Variants in CA6 observed in about 807,000 individuals in gnomAD.
The protein encoded by CA6 is carbonic anhydrase 6.
Under a neutral mutation model 35.9 loss-of-function variants are expected in CA6, and 28 were observed. The ratio of observed to expected loss-of-function variants is 0.78; its 90% CI spans 0.58 to 1.07. The LOEUF (loss-of-function observed/expected upper bound fraction) is 1.07, where lower values mean the gene tolerates loss of function less well. Ranked by LOEUF, CA6 falls within the 50% of genes least tolerant of loss-of-function variation. CA6 has a pLI of 0.00. For missense variants in CA6, 377 were observed against 382.0 expected, an observed-to-expected ratio of 0.99 and a Z score of 0.11; for synonymous variants, 148 against 152.6, an observed-to-expected ratio of 0.97 and a Z score of 0.22.
intron 6 of CA6, 43 bp downstream of exon 6, chr1:8,967,859 G>A (rs147673838): frequency 2.2e-4 from 345 of 1,588,728 alleles, no homozygotes; most frequent in Middle Eastern, 1.2e-3. Flanking sequence ...CCATTCGATT[G>A]CCTGGTTAAC....
rs753621805 is a variant in CA6, at chr1:8,967,680, G to A, written c.593G>A (p.Gly198Asp). The A allele has an allele frequency of 1.2e-6, 2 of 1,614,004 alleles. No individual in the cohort carries two copies. The highest frequency in any genetic ancestry group is 1.7e-6 in the Non-Finnish European group (2 of 1,179,968). Residue 198 changes from glycine (G) to aspartate (D), a missense_variant, in exon 6 of 8, where the codon GGC becomes GAC. Transcript: ENST00000377443. ...TCAGGACAAAGAACAACCCTGACTG[G>A]CCTTGACGTTCAGGACATGCTGCCC... ...KYPGQRTTLT[G>D]LDVQDMLPRN... is the part of the protein sequence containing the mutation.
chr1:8,949,588 T>A, intron 2 of CA6, 146 bp downstream of exon 2: 1 of 677,428 alleles, frequency 1.5e-6, no homozygotes, highest in Admixed American at 3.1e-5. Context: ...GGGTCGAACA[T>A]GAGGGCTGAC....
chr1:8,964,306 G>A (rs1418052458), intron 5 of CA6, among the ~76,000 whole-genome samples: 1 of 152,086 alleles, frequency 6.6e-6, no homozygotes, highest in African/African-American at 2.4e-5. Flanking sequence ...GGAGTGCAGT[G>A]GCATGATCTC....
chr1:8,969,864 A>G (rs1238157056), intron 6 of CA6, among the ~76,000 whole-genome samples: 4 of 152,312 alleles, frequency 2.6e-5, no homozygotes, highest in Admixed American at 1.3e-4. Flanking sequence ...AAAATAGCCA[A>G]TATAGAATTG....
intron 6 of CA6, 55 bp from the exon 7 acceptor site, chr1:8,970,812 C>A: frequency 8.7e-7 from 1 of 1,145,708 alleles, no homozygotes; most frequent in Non-Finnish European, 1.3e-6. Context: ...ACTGTTATTT[C>A]TTTTAAATTA....
chr1:8,967,798 C>G lies in CA6; in HGVS notation c.711C>G (p.Val237=). ...NVHWFVLADF[V]KLSRTQVWKL... ...ACTGGTTTGTGCTGGCAGATTTTGTCAAGCTCTCCAGGACACAGGTAATGT... is the reference window on the plus strand; with the variant it reads ...ACTGGTTTGTGCTGGCAGATTTTGTGAAGCTCTCCAGGACACAGGTAATGT... Residue 237 remains valine (V), a synonymous_variant, in exon 6 of 8, where the codon GTC becomes GTG. Coordinates refer to ENST00000377443, the MANE Select transcript of CA6 (RefSeq NM_001215.4). 4 of 1,614,020 alleles carry G rather than the reference C, an allele frequency of 2.5e-6. No homozygotes were observed. Among genetic ancestry groups the G allele is most frequent in the Non-Finnish European group, 3.4e-6 (4 of 1,179,982 alleles).
intron 2 of CA6, among the ~76,000 whole-genome samples, chr1:8,949,860 CAG>C (rs1364363653): frequency 6.6e-6 from 1 of 152,110 alleles, no homozygotes; most frequent in Non-Finnish European, 1.5e-5. Flanking sequence ...CAGGGTTTCT[CAG>C]AGTTTTAAGA....
At chr1:8,949,211 C>G in intron 1 of CA6, 52 bp from the exon 2 acceptor site, 1 of 1,444,934 alleles carries the variant, frequency 6.9e-7, no homozygotes, top group Non-Finnish European at 9.3e-7. Flanking sequence ...TGAGGTTCCT[C>G]CAGAGTGGGC....
In CA6 at chr1:8,974,715, G is replaced by C; in HGVS notation, c.*11G>C. 1 of 1,558,980 alleles carries C rather than the reference G, an allele frequency of 6.4e-7. No homozygotes were observed. The highest frequency in any genetic ancestry group is 8.8e-7 in the Non-Finnish European group (1 of 1,142,820). The stretch of plus-strand genomic sequence containing the variant: ...AGAGCATTGAACTGAGGAAAGCTAA[G>C]AGGAAGATTCAATATTAACTAGCTT... On this transcript the variant is annotated 3_prime_UTR_variant, in exon 8 of 8. Coordinates refer to ENST00000377443, the MANE Select transcript of CA6 (RefSeq NM_001215.4).
intron 5 of CA6, among the ~76,000 whole-genome samples, chr1:8,965,788 G>C (rs1639951900): frequency 6.6e-6 from 1 of 151,878 alleles, no homozygotes; most frequent in South Asian, 2.1e-4. Context: ...TCAGGAGGCT[G>C]AGGCGGGAGA....
chr1:8,960,789 C>CATATAT lies in CA6; in HGVS notation c.501+1791_502-1789dup, dbSNP rs1553163139. The stretch of plus-strand genomic sequence containing the variant: ...ACACACACACACACACACACACACA[C>CATATAT]ATATATATAATGGGAGTCCCAGAAG... On this transcript the variant is annotated intron_variant, in intron 4 of 7. Coordinates refer to ENST00000377443, the MANE Select transcript of CA6 (RefSeq NM_001215.4). Among the ~76,000 whole-genome samples the CATATAT allele has an allele frequency of 8.7e-4, 102 of 116,950 alleles. 2 individuals are homozygous for CATATAT. The highest frequency in any genetic ancestry group is 3.1e-3 in the African/African-American group (94 of 30,018). The allele number at this position is 116,950 out of a possible 152,430, so 76.7% of individuals were successfully genotyped here.
intron 4 of CA6, among the ~76,000 whole-genome samples, chr1:8,959,805 G>A (rs948541337): frequency 1.3e-5 from 2 of 151,678 alleles, no homozygotes; most frequent in South Asian, 2.1e-4. Flanking sequence ...GGTGGCAGGC[G>A]CCTGTAATTC....
intron 7 of CA6, among the ~76,000 whole-genome samples, chr1:8,973,796 TCC>T (rs1354155597): frequency 7.4e-5 from 6 of 81,400 alleles, no homozygotes; most frequent in Non-Finnish European, 1.0e-4. Flanking sequence ...TTTCCCTCCC[TCC>T]CTCTCTCTCT....
At position 8,962,676 on chromosome 1, in the gene CA6, G is replaced by C; in HGVS notation, c.571+20G>C. On this transcript the variant is annotated intron_variant, in intron 5 of 7. Transcript: ENST00000377443. Reference sequence around the variant, plus strand: ...ACCCAGGTAAGGGAAGCCAACTGTGGCTGCAGGAGGGAAGGGGAATGAGTG... The same window carrying C: ...ACCCAGGTAAGGGAAGCCAACTGTGCCTGCAGGAGGGAAGGGGAATGAGTG... 1 of 1,601,134 alleles carries C rather than the reference G, an allele frequency of 6.2e-7. No individual in the cohort carries two copies. The highest frequency in any genetic ancestry group is 8.6e-7 in the Non-Finnish European group (1 of 1,168,314).
Position 8,959,008 on chromosome 1 carries a change from C to A in CA6, c.501+6C>A. 1 of 1,558,720 alleles carries A rather than the reference C, an allele frequency of 6.4e-7. No individual in the cohort carries two copies. Among genetic ancestry groups the A allele is most frequent in the Non-Finnish European group, 8.9e-7 (1 of 1,129,846 alleles). ...TACTGGCAGCCTTCGTTGAGGTAAG[C>A]AGAAACTACCCATGTGTGTCTGTAT... On this transcript the variant is annotated splice_donor_region_variant and intron_variant, in intron 4 of 7. Coordinates refer to ENST00000377443, the MANE Select transcript of CA6 (RefSeq NM_001215.4).
rs139363760 is a variant in CA6, at chr1:8,970,900, C to T, written c.763C>T (p.Arg255Cys). Residue 255 changes from arginine to cysteine, a missense_variant, in exon 7 of 8, where the codon CGC becomes TGC. By Grantham distance (180) the Arg-to-Cys change is radical. Transcript: ENST00000377443. ...GCTGGAGAATTCCTTACTGGATCAC[C>T]GCAACAAGACCATCCACAACGATTA... is the stretch of plus-strand genomic sequence containing the variant. Reference protein sequence around the residue: ...WKLENSLLDHRNKTIHNDYRR... With the variant: ...WKLENSLLDHCNKTIHNDYRR... The T allele has an allele frequency of 4.4e-5, 71 of 1,613,904 alleles. No homozygotes were observed. The highest frequency in any genetic ancestry group is 3.3e-4 in the Middle Eastern group (2 of 6,062).
intron 2 of CA6, among the ~76,000 whole-genome samples, chr1:8,950,195 C>T (rs112491798): frequency 0.3 from 44,856 of 151,810 alleles, 7,731 homozygotes; most frequent in Middle Eastern, 0.4. Context: ...GTTGGCCAGG[C>T]TGGTCTGGAA....
intron 3 of CA6, 46 bp from the exon 4 acceptor site, chr1:8,958,864 G>T: frequency 2.0e-6 from 2 of 1,024,812 alleles, no homozygotes; most frequent in East Asian, 2.5e-5. Flanking sequence ...TTAAGCATTT[G>T]AATTTCTATG....
rs771827474 is a variant in CA6, at chr1:8,967,786, G to A, written c.699G>A (p.Leu233=). 3.1e-6 allele frequency: 5 copies of A among 1,614,040 alleles called. No individual in the cohort carries two copies. In the South Asian group the frequency reaches 5.5e-5, roughly 18 times the overall value. ...PCTENVHWFV[L]ADFVKLSRTQ... is the part of the protein sequence containing the mutation. ...CTGAGAACGTCCACTGGTTTGTGCTGGCAGATTTTGTCAAGCTCTCCAGGA... is the reference window on the plus strand; with the variant it reads ...CTGAGAACGTCCACTGGTTTGTGCTAGCAGATTTTGTCAAGCTCTCCAGGA... The change falls in exon 6 of 8, where the codon CTG becomes CTA. Residue 233 remains leucine, a synonymous_variant. Coordinates refer to ENST00000377443, the MANE Select transcript of CA6 (RefSeq NM_001215.4).
Sources: allele counts gnomAD v4.1 joint callset (sites outside exome capture counted in the v4.1 genomes callset), GRCh38; gene constraint gnomAD v4.1.1; transcripts MANE v1.5; gene names NCBI Gene and HGNC (gene_info 2026-07-23, HGNC 2026-07-21).